ANTXRL: variants seen among roughly 807,000 people sequenced by gnomAD.
ANTXRL encodes ANTXR like.
Under a neutral mutation model 75.4 loss-of-function variants are expected in ANTXRL, and 63 were observed. The observed-to-expected ratio is 0.84, with a 90% CI of 0.68 to 1.03. The LOEUF (loss-of-function observed/expected upper bound fraction) is 1.03, where lower values mean the gene tolerates loss of function less well. Among genes scored for constraint, ANTXRL ranks in the 50% least tolerant of loss-of-function variants. ANTXRL has a pLI of 0.00. For synonymous variants in ANTXRL, 335 were observed against 291.3 expected (o/e 1.15, Z -1.53); for missense variants, 797 against 789.4 (o/e 1.01, Z -0.12).
chr10:46,295,891 C>G, intron 3 of ANTXRL, 128 bp from the exon 4 acceptor site: 1 of 764,038 alleles, frequency 1.3e-6, no homozygotes, highest in Non-Finnish European at 2.2e-6. Context: ...GAGGACAAAG[C>G]CCTTGCCTGG....
chr10:46,320,646 T>G (rs1588865483), intron 16 of ANTXRL, among the ~76,000 whole-genome samples: 1 of 152,098 alleles, frequency 6.6e-6, no homozygotes, highest in East Asian at 1.9e-4. Context: ...GCATGAGAAT[T>G]ACTTGAACCC....
Position 46,287,374 on chromosome 10 carries a change from A to G in ANTXRL, c.112A>G (p.Arg38Gly), listed in dbSNP as rs1489837529. ...CCTTCGGTACCATGGACCTGACTGG[A>G]GAATATTTCACCGCCTGGCCCTGGG... ...GSLRYHGPDW[R>G]IFHRLALGSR... is the part of the protein sequence containing the mutation. The change falls in exon 1 of 17, where the codon AGA becomes GGA. Residue 38 changes from arginine to glycine, a missense_variant. Transcript: ENST00000620264. 6.5e-7 allele frequency: 1 copy of G among 1,535,860 alleles called. No individual in the cohort carries two copies. The highest frequency in any genetic ancestry group is 8.7e-7 in the Non-Finnish European group (1 of 1,146,776).
At chr10:46,303,761 T>G (rs527402262) in intron 10 of ANTXRL, among the ~76,000 whole-genome samples, 4 of 152,220 alleles carry the variant, frequency 2.6e-5, no homozygotes, top group Non-Finnish European at 5.9e-5. Context: ...TGGAATGGCC[T>G]GAGGAAGCGC....
At chr10:46,316,823 G>A (rs1554964766) in intron 16 of ANTXRL, among the ~76,000 whole-genome samples, 1 of 152,198 alleles carries the variant, frequency 6.6e-6, no homozygotes, top group Non-Finnish European at 1.5e-5. Flanking sequence ...GCCAATGTCT[G>A]TGTGGAGTTT....
intron 10 of ANTXRL, among the ~76,000 whole-genome samples, chr10:46,305,241 A>T (rs4075139): frequency 0.46 from 70,263 of 151,644 alleles, 17,377 homozygotes; most frequent in African/African-American, 0.71. Context: ...GTCCTGCATC[A>T]GTCCCTGTAG....
intron 15 of ANTXRL, 143 bp from the exon 16 acceptor site, chr10:46,313,092 GC>G: frequency 1.4e-6 from 1 of 739,678 alleles, no homozygotes; most frequent in Non-Finnish European, 2.3e-6. Context: ...ACACAAGGCT[GC>G]CAGGCCCCTC....
Position 46,299,883 on chromosome 10 carries a change from C to T in ANTXRL, c.796+1821C>T, listed in dbSNP as rs542497585. Among the ~76,000 whole-genome samples, 3 of 152,286 alleles carry T rather than the reference C, an allele frequency of 2.0e-5. No homozygotes were observed. In the South Asian group the frequency reaches 6.2e-4, roughly 32 times the overall value. ...TCCATGATTGGTCCTGGGCTCTGTC[C>T]CCGACCCCGCCTCTCCCCCATGCAG... is the stretch of plus-strand genomic sequence containing the variant. On this transcript the variant is annotated intron_variant, in intron 9 of 16. Transcript: ENST00000620264.
At chr10:46,295,917 A>C (rs1249836725) in intron 3 of ANTXRL, 102 bp from the exon 4 acceptor site, 6 of 938,830 alleles carry the variant, frequency 6.4e-6, no homozygotes, top group South Asian at 4.2e-5. Flanking sequence ...TCCTTCATCC[A>C]GGAGGACTGG....
chr10:46,293,266 CTGTGCGTGTGTGAGAGTG>C (rs1333937313), intron 2 of ANTXRL, among the ~76,000 whole-genome samples: 3 of 80,418 alleles, frequency 3.7e-5, no homozygotes, highest in African/African-American at 1.3e-4. Context: ...GTGTGTATAC[CTGTGCGTGTGTGAGAGTG>C]TGTGCGTGTG....
intron 12 of ANTXRL, among the ~76,000 whole-genome samples, chr10:46,308,042 A>G (rs575830832): frequency 9.2e-5 from 14 of 152,274 alleles, no homozygotes; most frequent in African/African-American, 3.4e-4. Flanking sequence ...CCTGCTCTTC[A>G]GAGCTCCATG....
At chr10:46,293,381 A>ACT (rs1837138676) in intron 2 of ANTXRL, among the ~76,000 whole-genome samples, 1 of 73,474 alleles carries the variant, frequency 1.4e-5, no homozygotes, top group African/African-American at 5.8e-5. Flanking sequence ...CCTGTGTGTG[A>ACT]GTGTGTGCCT....
intron 16 of ANTXRL, 55 bp from the exon 17 acceptor site, chr10:46,329,544 T>G: frequency 4.6e-6 from 7 of 1,510,324 alleles, no homozygotes; most frequent in South Asian, 2.5e-5. Context: ...CGCAGCCTTC[T>G]GAGCCCAGTT....
rs1326018661 is a variant in ANTXRL, at chr10:46,309,795, A to G, written c.1134+593A>G. ...GGCTACCATTCCCCACAGGCAGCTC[A>G]CAGTTCTGTCCTGTCATGGCTGAGG... On this transcript the variant is annotated intron_variant, in intron 13 of 16. Transcript: ENST00000620264. Among the ~76,000 whole-genome samples the G allele has an allele frequency of 9.9e-5, 15 of 152,144 alleles. 1 individual carries two copies. Among genetic ancestry groups the G allele is most frequent in the Admixed American group, 9.2e-4 (14 of 15,278 alleles).
intron 3 of ANTXRL, among the ~76,000 whole-genome samples, chr10:46,295,310 A>C (rs372299782): frequency 4.6e-5 from 7 of 152,158 alleles, no homozygotes; most frequent in African/African-American, 7.2e-5. Context: ...ATGCAGCCCT[A>C]CCTGTTAAAG....
intron 13 of ANTXRL, 49 bp downstream of exon 13, chr10:46,309,251 C>T (rs1170869824): frequency 3.9e-6 from 6 of 1,531,576 alleles, no homozygotes; most frequent in Non-Finnish European, 5.2e-6. Flanking sequence ...ACAGGCCCAC[C>T]CTCTGAGGGA....
intron 16 of ANTXRL, among the ~76,000 whole-genome samples, chr10:46,318,521 A>C (rs1245385400): frequency 2.0e-5 from 3 of 152,174 alleles, no homozygotes; most frequent in Non-Finnish European, 4.4e-5. Context: ...AAAAATAGAC[A>C]GTTAAGAATC....
chr10:46,313,985 G>A (rs1554964186), intron 16 of ANTXRL, among the ~76,000 whole-genome samples: 2 of 152,220 alleles, frequency 1.3e-5, no homozygotes, highest in African/African-American at 2.4e-5. Flanking sequence ...GCCCTGGAGA[G>A]CCCTGCTTCT....
chr10:46,296,804 G>A (rs1256337503), intron 5 of ANTXRL, among the ~76,000 whole-genome samples: 1 of 152,154 alleles, frequency 6.6e-6, no homozygotes, highest in Non-Finnish European at 1.5e-5. Context: ...ATGCCGGCAG[G>A]GCTGCCTGCA....
Position 46,306,834 on chromosome 10 carries a change from C to A in ANTXRL, c.927C>A (p.Ser309=), listed in dbSNP as rs1190195786. The change falls in exon 11 of 17, where the codon TCC becomes TCA. Residue 309 remains serine (S), a synonymous_variant. Coordinates refer to ENST00000620264, the MANE Select transcript of ANTXRL (RefSeq NM_001278688.3). Reference sequence around the variant, plus strand: ...AGCCAACCAGTATCGACAATAATTCCATGAATTGCCCTGGGCCAAAACTAG... The same window carrying A: ...AGCCAACCAGTATCGACAATAATTCAATGAATTGCCCTGGGCCAAAACTAG... The part of the protein sequence containing the change: ...DEKPTSIDNN[S]MNCPGPKLEK... 9 of 1,529,308 alleles carry A rather than the reference C, an allele frequency of 5.9e-6. No individual in the cohort carries two copies. Among genetic ancestry groups the A allele is most frequent in the African/African-American group, 1.4e-5 (1 of 72,668 alleles). The allele number at this position is 1,529,308 out of a possible 1,614,324, so 94.7% of individuals were successfully genotyped here.
Sources: gnomAD v4.1 joint callset for allele counts (sites outside exome capture counted in the v4.1 genomes callset) on GRCh38, gnomAD v4.1.1 for gene constraint, MANE v1.5 for transcripts, NCBI Gene and HGNC (gene_info 2026-07-23, HGNC 2026-07-21) for gene names.